AGBL1: variants seen among roughly 807,000 people sequenced by gnomAD.
The protein encoded by AGBL1 is cytosolic carboxypeptidase 4.
Under a neutral mutation model 118.9 loss-of-function variants are expected in AGBL1, and 130 were observed. The observed-to-expected ratio is 1.09, with a 90% CI of 0.95 to 1.26. The LOEUF is 1.26. Among genes scored for constraint, AGBL1 ranks in the 50% most tolerant of loss-of-function variants. The pLI is 0.00. For synonymous variants in AGBL1, 555 were observed against 478.9 expected, an observed-to-expected ratio of 1.16 and a Z score of -2.08; for missense variants, 1,584 against 1,298.1, an observed-to-expected ratio of 1.22 and a Z score of -3.38.
chr15:86,432,722 C>G (rs2081949736), intron 18 of AGBL1, among the ~76,000 whole-genome samples: 1 of 152,180 alleles, frequency 6.6e-6, no homozygotes, highest in African/African-American at 2.4e-5. Context: ...AGATAAAAGC[C>G]TGAAGGAGGT....
intron 17 of AGBL1, among the ~76,000 whole-genome samples, chr15:86,378,367 G>A (rs1475466837): frequency 6.6e-6 from 1 of 152,090 alleles, no homozygotes; most frequent in Non-Finnish European, 1.5e-5. Context: ...TGTGTCAGTG[G>A]AAATTTTTTC....
At chr15:86,664,326 C>T (rs978350666) in intron 21 of AGBL1, among the ~76,000 whole-genome samples, 8 of 152,190 alleles carry the variant, frequency 5.3e-5, no homozygotes, top group Non-Finnish European at 8.8e-5. Flanking sequence ...AGCCCATCCA[C>T]CAGCCCTCAT....
chr15:86,566,714 GAC>G (rs149448582), intron 21 of AGBL1, among the ~76,000 whole-genome samples: 12 of 151,836 alleles, frequency 7.9e-5, no homozygotes, highest in African/African-American at 2.7e-4. Flanking sequence ...TCAGGATACA[GAC>G]ACACACACAC....
At chr15:86,563,851 C>T (rs1250780540) in intron 21 of AGBL1, among the ~76,000 whole-genome samples, 1 of 152,118 alleles carries the variant, frequency 6.6e-6, no homozygotes. Flanking sequence ...ATAGTTAGCT[C>T]TTCTTGTTGA....
At chr15:86,970,417 A>G (rs1386790286) in intron 23 of AGBL1, among the ~76,000 whole-genome samples, 1 of 151,960 alleles carries the variant, frequency 6.6e-6, no homozygotes, top group East Asian at 1.9e-4. Flanking sequence ...TAAAGATATG[A>G]TTCCATTTAC....
At chr15:86,926,118 C>T (rs1248130730) in intron 23 of AGBL1, among the ~76,000 whole-genome samples, 2 of 152,066 alleles carry the variant, frequency 1.3e-5, no homozygotes, top group South Asian at 2.1e-4. Flanking sequence ...TTACCTTTTC[C>T]CTCCACGTTC....
intron 23 of AGBL1, among the ~76,000 whole-genome samples, chr15:86,962,429 CT>C (rs904038738): frequency 2.5e-4 from 38 of 151,946 alleles, no homozygotes; most frequent in Admixed American, 5.9e-4. Flanking sequence ...AAAGAAACAT[CT>C]TTTTTTTAAT....
chr15:86,811,490 A>G (rs1303988107), intron 22 of AGBL1, among the ~76,000 whole-genome samples: 1 of 152,158 alleles, frequency 6.6e-6, no homozygotes, highest in Non-Finnish European at 1.5e-5. Flanking sequence ...ATTCTCTAAG[A>G]TGGACAAATA....
intron 3 of AGBL1, among the ~76,000 whole-genome samples, chr15:86,151,170 G>A (rs988461642): frequency 3.9e-5 from 6 of 152,040 alleles, no homozygotes; most frequent in Non-Finnish European, 5.9e-5. Flanking sequence ...GGGTGGGGGA[G>A]GGATAGCATT....
intron 5 of AGBL1, among the ~76,000 whole-genome samples, chr15:86,223,117 C>T (rs1364827308): frequency 1.3e-5 from 2 of 152,086 alleles, no homozygotes; most frequent in Admixed American, 6.6e-5. Context: ...GGGTTTAAGA[C>T]CTTATTATTA....
chr15:86,153,465 C>T (rs577223841), intron 3 of AGBL1, among the ~76,000 whole-genome samples: 10 of 149,176 alleles, frequency 6.7e-5, no homozygotes, highest in African/African-American at 1.7e-4. Context: ...GAACAGAGAT[C>T]AGTTGGATAC....
chr15:86,903,493 A>G (rs1174196456), intron 22 of AGBL1, among the ~76,000 whole-genome samples: 1 of 152,166 alleles, frequency 6.6e-6, no homozygotes, highest in Non-Finnish European at 1.5e-5. Context: ...AGATAATTTT[A>G]ACAGCTGTAT....
chr15:86,333,259 A>G (rs1024365119), intron 17 of AGBL1, among the ~76,000 whole-genome samples: 2 of 152,208 alleles, frequency 1.3e-5, no homozygotes, highest in Non-Finnish European at 2.9e-5. Context: ...TGGTTTTTTG[A>G]AAGCATAAGC....
intron 24 of AGBL1, among the ~76,000 whole-genome samples, chr15:87,022,532 TG>T (rs1346994461): frequency 1.3e-5 from 2 of 152,078 alleles, no homozygotes; most frequent in Non-Finnish European, 2.9e-5. Context: ...AAAATATATT[TG>T]GGGGAATAAT....
intron 22 of AGBL1, among the ~76,000 whole-genome samples, chr15:86,897,965 G>A (rs1040516857): frequency 2.0e-5 from 3 of 151,554 alleles, no homozygotes; most frequent in Admixed American, 1.3e-4. Context: ...TACATGTGGG[G>A]TTTTGCCTTA....
intron 18 of AGBL1, among the ~76,000 whole-genome samples, chr15:86,502,783 C>T (rs1314676482): frequency 2.6e-5 from 4 of 151,278 alleles, no homozygotes; most frequent in African/African-American, 4.8e-5. Flanking sequence ...TTGTGAACTA[C>T]ATATATAATC....
chr15:86,525,519 C>T (rs371742019), intron 19 of AGBL1, among the ~76,000 whole-genome samples: 1 of 152,244 alleles, frequency 6.6e-6, no homozygotes, highest in African/African-American at 2.4e-5. Flanking sequence ...CAGCATGGCA[C>T]TGGTATAAAA....
At chr15:86,087,954 A>G (rs985868311) in intron 1 of AGBL1, among the ~76,000 whole-genome samples, 1 of 152,348 alleles carries the variant, frequency 6.6e-6, no homozygotes, top group East Asian at 1.9e-4. Context: ...GACTGGCCAA[A>G]AGGGTGCAGA....
chr15:86,096,065 T>G (rs964289704), intron 1 of AGBL1, among the ~76,000 whole-genome samples: 2 of 152,158 alleles, frequency 1.3e-5, no homozygotes, highest in African/African-American at 4.8e-5. Flanking sequence ...ATTAAAATTT[T>G]TTTGTTTCTT....
Sources: gnomAD v4.1 joint callset for allele counts (sites outside exome capture counted in the v4.1 genomes callset) on GRCh38, gnomAD v4.1.1 for gene constraint, MANE v1.5 for transcripts, NCBI Gene and HGNC (gene_info 2026-07-23, HGNC 2026-07-21) for gene names.